Variants in PLXNA2 observed in about 807,000 individuals in gnomAD.
PLXNA2 encodes the protein plexin-A2.
Under a neutral mutation model 193.5 loss-of-function variants are expected in PLXNA2, and 91 were observed. That is an observed-to-expected ratio of 0.47 (90% CI 0.40 to 0.56). The LOEUF (loss-of-function observed/expected upper bound fraction) is 0.56. Ranked by LOEUF, PLXNA2 falls within the 20% of genes least tolerant of loss-of-function variation. PLXNA2 has a pLI of 0.00. For missense variants in PLXNA2, 1,995 were observed against 2,503.2 expected, an observed-to-expected ratio of 0.80 and a Z score of 4.33; for synonymous variants, 997 against 1,027.3, an observed-to-expected ratio of 0.97 and a Z score of 0.56.
intron 3 of PLXNA2, among the ~76,000 whole-genome samples, chr1:208,170,071 C>A (rs568953186): frequency 5.9e-5 from 9 of 152,256 alleles, no homozygotes; most frequent in Admixed American, 1.3e-4. Context: ...CCCTTCATTT[C>A]CCCATATGCA....
intron 9 of PLXNA2, 121 bp downstream of exon 9, chr1:208,092,665 C>T (rs1051801407): frequency 5.0e-6 from 3 of 604,322 alleles, no homozygotes; most frequent in Non-Finnish European, 8.4e-6. Context: ...GAATTTCTGG[C>T]AAGACGGCCA....
intron 2 of PLXNA2, among the ~76,000 whole-genome samples, chr1:208,215,727 A>G (rs1260045835): frequency 6.6e-6 from 1 of 151,804 alleles, no homozygotes; most frequent in Non-Finnish European, 1.5e-5. Context: ...GAGGGAAGGA[A>G]AGGGGATGGA....
In PLXNA2 at chr1:208,028,146, T is replaced by C; in HGVS notation, c.5452A>G (p.Ile1818Val). The C allele has an allele frequency of 6.2e-7, 1 of 1,612,614 alleles. No homozygotes were observed. Among genetic ancestry groups the C allele is most frequent in the Non-Finnish European group, 8.5e-7 (1 of 1,179,288 alleles). Reference protein sequence around the residue: ...KSWVERYYADIAKLPAISDQD... With the variant: ...KSWVERYYADVAKLPAISDQD... ...TCACTGATGGCTGGGAGCTTGGCGA[T>C]GTCTGCGTAGTATCTGCCAGAGACA... The change falls in exon 31 of 32, where the codon ATC becomes GTC. Residue 1818 changes from isoleucine (I) to valine (V), a missense_variant. Physicochemically the swap from Ile to Val is conservative, Grantham distance 29. Around this residue, in one of 3 missense-constraint regions of PLXNA2, gnomAD observed 1,291 missense variants for 1,673.6 expected, o/e 0.77. Transcript: ENST00000367033. This position sits in a 1 kb window ranked among gnomAD's most constrained non-coding sequence, Gnocchi z 4.2.
intron 4 of PLXNA2, among the ~76,000 whole-genome samples, chr1:208,111,658 C>G (rs1413455453): frequency 6.6e-6 from 1 of 152,204 alleles, no homozygotes; most frequent in Non-Finnish European, 1.5e-5. Flanking sequence ...TCTGAGCCCA[C>G]ACTTTCAGCT....
chr1:208,158,327 A>T (rs894625007), intron 3 of PLXNA2, among the ~76,000 whole-genome samples: 3 of 151,674 alleles, frequency 2.0e-5, no homozygotes, highest in Admixed American at 2.0e-4. Context: ...CTCCATATAC[A>T]TTGTTTCTTT....
intron 4 of PLXNA2, among the ~76,000 whole-genome samples, chr1:208,134,985 G>T (rs534527345): frequency 3.3e-5 from 5 of 152,186 alleles, no homozygotes; most frequent in African/African-American, 1.2e-4. Context: ...TCTTATTTTT[G>T]GTTCTAGATC....
At chr1:208,203,396 G>A (rs1171240128) in intron 3 of PLXNA2, among the ~76,000 whole-genome samples, 1 of 152,162 alleles carries the variant, frequency 6.6e-6, no homozygotes, top group African/African-American at 2.4e-5. Context: ...GCGAGTTAGG[G>A]TATCAGATGG....
chr1:208,033,342 G>GA lies in PLXNA2; in HGVS notation c.5031_5032insT (p.Leu1678SerfsTer20). 1 of 1,613,412 alleles carries GA rather than the reference G, an allele frequency of 6.2e-7. No individual in the cohort carries two copies. The highest frequency in any genetic ancestry group is 8.5e-7 in the Non-Finnish European group (1 of 1,179,472). On this transcript the variant is annotated frameshift_variant, in exon 28 of 32. Coordinates refer to ENST00000367033, the MANE Select transcript of PLXNA2 (RefSeq NM_025179.4). LOFTEE classifies it high-confidence loss of function. The stretch of plus-strand genomic sequence containing the variant: ...ACCTTGGTGGCCAGTAGCCGGGTCA[G>GA]GTAGATCTCGGACACCATCTTGCTG...
rs1315767778 is a variant in PLXNA2, at chr1:208,216,937, G to A, written c.986C>T (p.Thr329Ile). 3 of 1,614,186 alleles carry A rather than the reference G, an allele frequency of 1.9e-6. No individual in the cohort carries two copies. In the African/African-American group the frequency reaches 4.0e-5, roughly 22 times the overall value. Residue 329 changes from threonine to isoleucine, a missense_variant, in exon 2 of 32, where the codon ACC (threonine) becomes ATC (isoleucine). By Grantham distance (89) the Thr-to-Ile change is moderately conservative. Coordinates refer to ENST00000367033, the MANE Select transcript of PLXNA2 (RefSeq NM_025179.4). ...GGCAAAGAGTACATCGTCCTGGCTGGTGATATTGAAGGCCTGGGCCAGTGA... is the reference window on the plus strand; with the variant it reads ...GGCAAAGAGTACATCGTCCTGGCTGATGATATTGAAGGCCTGGGCCAGTGA... ...GDSLAQAFNI[T>I]SQDDVLFAIF...
chr1:208,100,534 G>A (rs1008987226), intron 5 of PLXNA2, among the ~76,000 whole-genome samples: 5 of 152,100 alleles, frequency 3.3e-5, no homozygotes, highest in Non-Finnish European at 7.4e-5. Flanking sequence ...TTTTCCTCCA[G>A]AGAAATTTTT....
chr1:208,116,736 G>A (rs1413149039), intron 4 of PLXNA2, among the ~76,000 whole-genome samples: 2 of 152,278 alleles, frequency 1.3e-5, no homozygotes, highest in East Asian at 1.9e-4. Context: ...AGGCATCCAC[G>A]AAGGCACCAT....
At chr1:208,117,780 G>A (rs1290043466) in intron 4 of PLXNA2, among the ~76,000 whole-genome samples, 3 of 152,164 alleles carry the variant, frequency 2.0e-5, no homozygotes, top group African/African-American at 4.8e-5. Flanking sequence ...TCCATTTGGG[G>A]GAAAGCAAAT....
At chr1:208,164,892 G>C (rs1341530209) in intron 3 of PLXNA2, among the ~76,000 whole-genome samples, 1 of 152,214 alleles carries the variant, frequency 6.6e-6, no homozygotes, top group African/African-American at 2.4e-5. Flanking sequence ...GCTGCAAGGA[G>C]GTGGCAGGTT....
intron 3 of PLXNA2, among the ~76,000 whole-genome samples, chr1:208,163,576 T>C (rs1215971206): frequency 6.6e-6 from 1 of 152,170 alleles, no homozygotes; most frequent in African/African-American, 2.4e-5. Flanking sequence ...AAACTGTGCA[T>C]ATTAGGGATG....
intron 3 of PLXNA2, among the ~76,000 whole-genome samples, chr1:208,184,422 T>TAAA (rs112546582): frequency 1.5e-3 from 206 of 140,496 alleles, no homozygotes; most frequent in African/African-American, 5.3e-3. Flanking sequence ...ACCCCCTGCT[T>TAAA]AAAAAAAAAA....
At chr1:208,076,881 G>A (rs75248611) in intron 12 of PLXNA2, among the ~76,000 whole-genome samples, 2 of 152,276 alleles carry the variant, frequency 1.3e-5, no homozygotes, top group South Asian at 4.1e-4. Flanking sequence ...CTGTGGTTAT[G>A]TAAGATGTTA....
intron 3 of PLXNA2, among the ~76,000 whole-genome samples, chr1:208,152,855 C>A (rs1186837901): frequency 6.6e-6 from 1 of 152,062 alleles, no homozygotes; most frequent in African/African-American, 2.4e-5. Context: ...CTTTGCTTGA[C>A]AATTTATTCT....
At position 208,211,950 on chromosome 1, in the gene PLXNA2, C is replaced by T. The variant is rs190900616; in HGVS notation, c.1189-1488G>A. Reference sequence around the variant, plus strand: ...GGGTTTGCATTCTGTACACAGTGCTCAGCACGGGGCTGGGTCAGAATGAGT... The same window carrying T: ...GGGTTTGCATTCTGTACACAGTGCTTAGCACGGGGCTGGGTCAGAATGAGT... On this transcript the variant is annotated intron_variant, in intron 2 of 31. Coordinates refer to ENST00000367033, the MANE Select transcript of PLXNA2 (RefSeq NM_025179.4). Among the ~76,000 whole-genome samples, 373 of 152,302 alleles carry T rather than the reference C, an allele frequency of 2.4e-3. 4 individuals are homozygous for T. Among genetic ancestry groups the T allele is most frequent in the East Asian group, 0.013 (68 of 5,180 alleles).
chr1:208,085,357 T>C (rs1268852702), intron 9 of PLXNA2, among the ~76,000 whole-genome samples: 2 of 152,300 alleles, frequency 1.3e-5, no homozygotes, highest in East Asian at 1.9e-4. Context: ...GCAGTGATGA[T>C]GTGGGAACCA....
Sources: gnomAD v4.1 joint callset for allele counts (sites outside exome capture counted in the v4.1 genomes callset) on GRCh38, gnomAD v4.1.1 for gene constraint, gnomAD v4.1.1 regional missense constraint, Gnocchi (gnomAD v3.1) non-coding constraint, MANE v1.5 for transcripts, NCBI Gene and HGNC (gene_info 2026-07-23, HGNC 2026-07-21) for gene names.